The following KCTD1 variants were observed in gnomAD, a reference collection of about 807,000 sequenced individuals.
KCTD1 encodes BTB/POZ domain-containing protein KCTD1.
KCTD1 carries 24 observed loss-of-function variants against 66.0 expected under a neutral mutation model. That is an observed-to-expected ratio of 0.36 (90% CI 0.26 to 0.51). The LOEUF is 0.51. Ranked by LOEUF, KCTD1 falls within the 20% of genes least tolerant of loss-of-function variation. The pLI is 0.95. For synonymous variants in KCTD1, 511 were observed against 517.2 expected, an observed-to-expected ratio of 0.99 and a Z score of 0.16; for missense variants, 943 against 1,205.2, an observed-to-expected ratio of 0.78 and a Z score of 3.22.
intron 1 of KCTD1, among the ~76,000 whole-genome samples, chr18:26,569,926 C>T (rs542356600): frequency 6.6e-6 from 1 of 152,248 alleles, no homozygotes; most frequent in East Asian, 1.9e-4. Flanking sequence ...GTGGCTCACG[C>T]CTGTAATCCA....
chr18:26,522,613 G>GAT (rs1283193982), intron 1 of KCTD1, among the ~76,000 whole-genome samples: 2 of 152,102 alleles, frequency 1.3e-5, no homozygotes, highest in Non-Finnish European at 2.9e-5. Flanking sequence ...TCAACCAACT[G>GAT]TAACTTTCTC....
At chr18:26,584,208 C>T (rs1375153717) in intron 1 of KCTD1, among the ~76,000 whole-genome samples, 2 of 152,150 alleles carry the variant, frequency 1.3e-5, no homozygotes, top group Non-Finnish European at 2.9e-5. Flanking sequence ...GGCGTGGATC[C>T]ACCTGTGTTA....
At chr18:26,590,149 T>C (rs1212325285) in intron 1 of KCTD1, among the ~76,000 whole-genome samples, 2 of 152,168 alleles carry the variant, frequency 1.3e-5, no homozygotes, top group Non-Finnish European at 2.9e-5. Flanking sequence ...AGTGGCATGA[T>C]CTCAGCTCAC....
At chr18:26,470,898 G>A (rs1480685905) in intron 3 of KCTD1, among the ~76,000 whole-genome samples, 1 of 152,236 alleles carries the variant, frequency 6.6e-6, no homozygotes, top group Non-Finnish European at 1.5e-5. Context: ...GGCAAGAGGA[G>A]GGTGTGTCTG....
At chr18:26,619,967 C>T (rs1987337415) in intron 1 of KCTD1, among the ~76,000 whole-genome samples, 1 of 152,178 alleles carries the variant, frequency 6.6e-6, no homozygotes, top group African/African-American at 2.4e-5. Context: ...ATTCTTTCCT[C>T]AATAGTATAT....
upstream of KCTD1, among the ~76,000 whole-genome samples, chr18:26,633,170 G>T (rs765232443): frequency 2.6e-4 from 39 of 152,060 alleles, no homozygotes; most frequent in Non-Finnish European, 4.4e-4. Context: ...TAGAAGTCTT[G>T]GATATGAGAA....
intron 1 of KCTD1, chr18:26,600,146 A>T (rs1986856283): frequency 6.2e-7 from 1 of 1,607,860 alleles, no homozygotes; most frequent in Non-Finnish European, 8.5e-7. Flanking sequence ...GCCTGTAAGA[A>T]CTGCACCTGT....
In KCTD1 at chr18:26,546,713, G is replaced by A; in HGVS notation, c.1809+15C>T. 2 of 1,540,438 alleles carry A rather than the reference G, an allele frequency of 1.3e-6. No homozygotes were observed. The highest frequency in any genetic ancestry group is 1.4e-5 in the African/African-American group (1 of 72,706). ...ACCAAAGAAACATTTCATGCATAGA[G>A]TTTGGTTTGGTTACCTGGGTGGGGG... On this transcript the variant is annotated intron_variant, in intron 1 of 4. Transcript: ENST00000580059.
At chr18:26,613,123 G>A (rs528890911) in intron 1 of KCTD1, among the ~76,000 whole-genome samples, 27 of 152,290 alleles carry the variant, frequency 1.8e-4, no homozygotes, top group Non-Finnish European at 3.1e-4. Context: ...AGTGCAATAC[G>A]TATCTGAGCT....
At chr18:26,526,868 G>GT (rs917976432) in intron 1 of KCTD1, among the ~76,000 whole-genome samples, 25,072 of 138,370 alleles carry the variant, frequency 0.18, 2,122 homozygotes, top group Middle Eastern at 0.28. Flanking sequence ...TACATTTTGG[G>GT]TTTTTTTTTT....
chr18:26,643,159 C>T (rs534883439), upstream of KCTD1, among the ~76,000 whole-genome samples: 16 of 152,170 alleles, frequency 1.1e-4, no homozygotes, highest in East Asian at 3.9e-4. Context: ...TCTGGCTCGC[C>T]GACAGCCACC....
intron 1 of KCTD1, among the ~76,000 whole-genome samples, chr18:26,538,247 T>C (rs923503718): frequency 2.0e-5 from 3 of 147,690 alleles, no homozygotes; most frequent in Admixed American, 1.4e-4. Context: ...AACTCCGTCT[T>C]AAAAAAAAAA....
chr18:26,628,046 C>T (rs1247103953), intron 1 of KCTD1, among the ~76,000 whole-genome samples: 1 of 152,318 alleles, frequency 6.6e-6, no homozygotes, highest in South Asian at 2.1e-4. Flanking sequence ...AAATTATAAC[C>T]TTCCCTGGGC....
intron 3 of KCTD1, among the ~76,000 whole-genome samples, chr18:26,465,135 G>A (rs1258181864): frequency 6.6e-6 from 1 of 152,172 alleles, no homozygotes; most frequent in Non-Finnish European, 1.5e-5. Flanking sequence ...CCAGGCTGGA[G>A]TGCAATGGCA....
intron 1 of KCTD1, among the ~76,000 whole-genome samples, chr18:26,615,751 G>A (rs8095881): frequency 0.085 from 12,922 of 152,182 alleles, 597 homozygotes; most frequent in African/African-American, 0.12. Flanking sequence ...GACGTGGACT[G>A]TAAAGAAACA....
intron 1 of KCTD1, among the ~76,000 whole-genome samples, chr18:26,656,427 T>C (rs1469679043): frequency 2.0e-5 from 3 of 151,824 alleles, no homozygotes; most frequent in South Asian, 4.2e-4. Context: ...TTTTTAAAAA[T>C]AAATGAAACG....
In KCTD1 at chr18:26,556,023, G is replaced by A. The variant is rs1343281837; in HGVS notation, c.-15-54773C>T. 2.6e-4 allele frequency among the ~76,000 whole-genome samples: 19 copies of A among 71,818 alleles called. No individual in the cohort carries two copies. In the Admixed American group the frequency reaches 3.4e-3, roughly 13 times the overall value. 47.1% of individuals were successfully genotyped at this position (71,818 alleles called of 152,430 possible). ...CTGCCCCGTGGCTGTGTTTCTAAAT[G>A]AACTAAAAAAGAAAAAAAAATCCCC... On this transcript the variant is annotated intron_variant, in intron 1 of 4. Transcript: ENST00000317932.
At chr18:26,513,176 CT>C (rs1397607474) in intron 1 of KCTD1, among the ~76,000 whole-genome samples, 2 of 151,506 alleles carry the variant, frequency 1.3e-5, no homozygotes, top group Non-Finnish European at 2.9e-5. Context: ...CAAGCTCCGC[CT>C]CCCGGGTTCA....
intron 2 of KCTD1, among the ~76,000 whole-genome samples, chr18:26,487,929 A>T (rs1981998495): frequency 6.6e-6 from 1 of 152,210 alleles, no homozygotes; most frequent in Non-Finnish European, 1.5e-5. Flanking sequence ...TTTTAAGATG[A>T]TCATGTACAG....
Sources: gnomAD v4.1 joint callset for allele counts (sites outside exome capture counted in the v4.1 genomes callset) on GRCh38, gnomAD v4.1.1 for gene constraint, MANE v1.5 for transcripts, NCBI Gene and HGNC (gene_info 2026-07-23, HGNC 2026-07-21) for gene names.